The following KIFAP3 variants were observed in gnomAD, a reference collection of about 807,000 sequenced individuals.
KIFAP3 encodes the protein kinesin-associated protein 3.
KIFAP3 carries 68 observed loss-of-function variants against 106.5 expected under a neutral mutation model. That is an observed-to-expected ratio of 0.64 (90% CI 0.53 to 0.78). The LOEUF (loss-of-function observed/expected upper bound fraction) is 0.78, where lower values mean the gene tolerates loss of function less well. KIFAP3 is among the 30% of genes least tolerant of loss of function. KIFAP3 has a pLI of 0.00. For synonymous variants in KIFAP3, 320 were observed against 311.5 expected (o/e 1.03, Z -0.29); for missense variants, 780 against 941.8 (o/e 0.83, Z 2.25).
intron 10 of KIFAP3, among the ~76,000 whole-genome samples, chr1:170,000,439 C>A (rs962551964): frequency 6.6e-6 from 1 of 152,062 alleles, no homozygotes; most frequent in Non-Finnish European, 1.5e-5. Flanking sequence ...CAACGTGCTT[C>A]AAAATTTGCA....
At chr1:169,995,077 C>T (rs1012399809) in intron 10 of KIFAP3, among the ~76,000 whole-genome samples, 3 of 152,000 alleles carry the variant, frequency 2.0e-5, no homozygotes, top group Non-Finnish European at 2.9e-5. Context: ...ACAATTTTGT[C>T]CTTGAGTTTG....
chr1:169,948,014 C>T (rs181822139), intron 19 of KIFAP3, among the ~76,000 whole-genome samples: 2 of 151,170 alleles, frequency 1.3e-5, no homozygotes, highest in African/African-American at 4.8e-5. Flanking sequence ...ATGTTTATTC[C>T]ACTACCCTCA....
chr1:169,937,402 A>C (rs1421865372), intron 19 of KIFAP3, among the ~76,000 whole-genome samples: 1 of 151,804 alleles, frequency 6.6e-6, no homozygotes, highest in Non-Finnish European at 1.5e-5. Flanking sequence ...TTTTGGAAAG[A>C]GCAGCAATAA....
chr1:170,033,887 T>C (rs1016479535), intron 7 of KIFAP3, among the ~76,000 whole-genome samples: 1 of 151,894 alleles, frequency 6.6e-6, no homozygotes, highest in African/African-American at 2.4e-5. Context: ...GGTTCTATTA[T>C]TCTATAGGCC....
intron 2 of KIFAP3, among the ~76,000 whole-genome samples, chr1:170,048,157 C>T (rs1670360383): frequency 1.3e-5 from 2 of 152,130 alleles, no homozygotes; most frequent in Admixed American, 1.3e-4. Context: ...TATTCAACCC[C>T]AAATCTGGTT....
intron 17 of KIFAP3, among the ~76,000 whole-genome samples, chr1:169,961,899 G>A (rs975333905): frequency 1.3e-5 from 2 of 152,070 alleles, no homozygotes; most frequent in African/African-American, 4.8e-5. Context: ...TTAACAGTAG[G>A]CTATTAGTTT....
chr1:169,934,906 T>A (rs964817127), intron 19 of KIFAP3, among the ~76,000 whole-genome samples: 11 of 152,096 alleles, frequency 7.2e-5, no homozygotes, highest in Non-Finnish European at 1.3e-4. Flanking sequence ...TAAGGTAACA[T>A]GCAACTGCAT....
chr1:170,056,111 T>TAAA (rs549722446), intron 1 of KIFAP3, among the ~76,000 whole-genome samples: 2 of 145,346 alleles, frequency 1.4e-5, no homozygotes, highest in Non-Finnish European at 1.5e-5. Flanking sequence ...CTGTCTCCAT[T>TAAA]AAAAAAAAAA....
intron 9 of KIFAP3, among the ~76,000 whole-genome samples, chr1:170,018,525 T>G (rs1288070948): frequency 2.0e-5 from 3 of 151,298 alleles, no homozygotes; most frequent in Non-Finnish European, 3.0e-5. Context: ...TGAAAAAAAT[T>G]TATGATTTTT....
At chr1:169,979,455 A>C (rs1024392452) in intron 15 of KIFAP3, among the ~76,000 whole-genome samples, 28 of 152,196 alleles carry the variant, frequency 1.8e-4, no homozygotes, top group African/African-American at 6.0e-4. Flanking sequence ...AATTAAAAAA[A>C]CTCAAAAGAG....
chr1:169,945,511 C>CA (rs1274325294), intron 19 of KIFAP3, among the ~76,000 whole-genome samples: 1 of 152,228 alleles, frequency 6.6e-6, no homozygotes, highest in Non-Finnish European at 1.5e-5. Context: ...GGCATCCCTG[C>CA]AGCAGCTGCT....
chr1:169,964,894 G>A (rs1342983017), intron 17 of KIFAP3, among the ~76,000 whole-genome samples: 2 of 152,074 alleles, frequency 1.3e-5, no homozygotes, highest in Non-Finnish European at 2.9e-5. Flanking sequence ...CTGTGTATGT[G>A]CTCAATTAAA....
intron 17 of KIFAP3, among the ~76,000 whole-genome samples, chr1:169,965,615 A>G (rs1380855772): frequency 6.6e-6 from 1 of 152,014 alleles, no homozygotes; most frequent in Non-Finnish European, 1.5e-5. Context: ...ATCATTTCAC[A>G]CCCTCTTTTA....
chr1:170,013,074 C>T (rs2101992281), intron 10 of KIFAP3, among the ~76,000 whole-genome samples: 1 of 152,214 alleles, frequency 6.6e-6, no homozygotes, highest in South Asian at 2.1e-4. Context: ...TCCCCTTCTG[C>T]CATGTGAGGA....
chr1:170,064,610 T>G (rs1018252888), intron 1 of KIFAP3, among the ~76,000 whole-genome samples: 1 of 152,190 alleles, frequency 6.6e-6, no homozygotes, highest in African/African-American at 2.4e-5. Flanking sequence ...AGCCTCAGCC[T>G]CCCAAAGTGC....
In KIFAP3 at chr1:169,992,203, C is replaced by T. The variant is rs1376514486; in HGVS notation, c.1236G>A (p.Met412Ile). The T allele has an allele frequency of 1.3e-6, 2 of 1,585,960 alleles. No individual in the cohort carries two copies. The highest frequency in any genetic ancestry group is 1.4e-5 in the African/African-American group (1 of 73,460). The change falls in exon 11 of 20, where the codon ATG (methionine) becomes ATA (isoleucine). Residue 412 changes from methionine (M) to isoleucine (I), a missense_variant. Physicochemically the swap from Met to Ile is conservative, Grantham distance 10. Transcript: ENST00000361580. ...CAAACATTGATTTAAAGCGGTCATC[C>T]ATGCTTATGTGGTAAAGAACACACA... ...IAMCVLYHIS[M>I]DDRFKSMFAY...
chr1:169,926,680 TGTAC>T (rs147425853), intron 19 of KIFAP3, among the ~76,000 whole-genome samples: 42,885 of 150,916 alleles, frequency 0.28, 7,186 homozygotes, highest in East Asian at 0.55. Context: ...CAGTTGTGTG[TGTAC>T]ACACACACAC....
At position 170,071,360 on chromosome 1, in the gene KIFAP3, A is replaced by G. The variant is rs1323856114; in HGVS notation, c.32+3076T>C. Among the ~76,000 whole-genome samples the G allele has an allele frequency of 3.3e-5, 5 of 152,360 alleles. No individual in the cohort carries two copies. The East Asian group carries it at 7.7e-4, about 23-fold the overall frequency. On this transcript the variant is annotated intron_variant, in intron 1 of 19. Transcript: ENST00000361580. ...ATGTCCACCACCAGATGAGCAATAA[A>G]CAAACAAAATGTGGTATATCCATAA...
chr1:170,083,965 A>T (rs1672060644), intron 1 of KIFAP3, among the ~76,000 whole-genome samples: 1 of 152,240 alleles, frequency 6.6e-6, no homozygotes, highest in South Asian at 2.1e-4. Context: ...TTTGAATACT[A>T]GCCACAGCGG....
Sources: allele counts gnomAD v4.1 joint callset (sites outside exome capture counted in the v4.1 genomes callset), GRCh38; gene constraint gnomAD v4.1.1; transcripts MANE v1.5; gene names NCBI Gene and HGNC (gene_info 2026-07-23, HGNC 2026-07-21).